AKAP1: variants seen among roughly 807,000 people sequenced by gnomAD.
AKAP1 encodes A-kinase anchoring protein 1, also known as A-kinase anchor protein 1, mitochondrial.
AKAP1 carries 32 observed loss-of-function variants against 79.8 expected under a neutral mutation model. The ratio of observed to expected loss-of-function variants is 0.40; its 90% CI spans 0.30 to 0.54. AKAP1 has a LOEUF of 0.54. Ranked by LOEUF, AKAP1 falls within the 20% of genes least tolerant of loss-of-function variation. The pLI is 0.47. For synonymous variants in AKAP1, 416 were observed against 466.7 expected, an observed-to-expected ratio of 0.89 and a Z score of 1.40; for missense variants, 961 against 1,138.9, an observed-to-expected ratio of 0.84 and a Z score of 2.25.
At chr17:57,090,210 AC>A (rs1348319690) in intron 1 of AKAP1, among the ~76,000 whole-genome samples, 2 of 151,256 alleles carry the variant, frequency 1.3e-5, no homozygotes, top group East Asian at 3.9e-4. Context: ...CTTTGTTTGA[AC>A]CCTGCTAGAT....
intron 1 of AKAP1, among the ~76,000 whole-genome samples, chr17:57,104,183 C>T (rs1371786926): frequency 1.3e-5 from 2 of 152,158 alleles, no homozygotes; most frequent in Non-Finnish European, 1.5e-5. Context: ...TAGTCTCAAA[C>T]TTCTGACCTT....
chr17:57,111,062 C>T (rs551481184), intron 3 of AKAP1, among the ~76,000 whole-genome samples: 2 of 152,114 alleles, frequency 1.3e-5, no homozygotes, highest in Admixed American at 6.5e-5. Context: ...CCCTGTTATC[C>T]GTCCTGCCTG....
At chr17:57,110,876 A>G (rs868431737) in intron 3 of AKAP1, among the ~76,000 whole-genome samples, 2 of 152,240 alleles carry the variant, frequency 1.3e-5, no homozygotes, top group Middle Eastern at 3.4e-3. Flanking sequence ...CTTACAACAT[A>G]TTAGCTTGAT....
chr17:57,112,068 C>T (rs777408966), intron 4 of AKAP1, 144 bp downstream of exon 4: 25 of 1,106,456 alleles, frequency 2.3e-5, no homozygotes, highest in Admixed American at 1.1e-4. Flanking sequence ...ATCTTCCCTG[C>T]AGCCTTTTCC....
chr17:57,113,564 T>C (rs192917122), intron 5 of AKAP1, among the ~76,000 whole-genome samples: 2 of 150,934 alleles, frequency 1.3e-5, no homozygotes, highest in Admixed American at 6.6e-5. Flanking sequence ...AAGAGTTTTT[T>C]CCCAGGAGGC....
chr17:57,087,859 T>C (rs1387979796), intron 1 of AKAP1, among the ~76,000 whole-genome samples: 1 of 152,246 alleles, frequency 6.6e-6, no homozygotes, highest in Non-Finnish European at 1.5e-5. Context: ...AGGCAGCTTG[T>C]AGCCAATGTA....
intron 3 of AKAP1, among the ~76,000 whole-genome samples, chr17:57,110,862 A>G (rs1915200508): frequency 6.6e-6 from 1 of 152,186 alleles, no homozygotes; most frequent in South Asian, 2.1e-4. Flanking sequence ...TCTTGCTATT[A>G]GAACTTACAA....
Position 57,114,542 on chromosome 17 carries a change from A to G in AKAP1, c.2187A>G (p.Thr729=), listed in dbSNP as rs773608144. 1 of 1,614,168 alleles carries G rather than the reference A, an allele frequency of 6.2e-7. No individual in the cohort carries two copies. The highest frequency in any genetic ancestry group is 1.7e-5 in the Admixed American group (1 of 60,030). Residue 729 remains threonine (T), a synonymous_variant, in exon 6 of 11, where the codon ACA becomes ACG. Transcript: ENST00000337714. ...NAGHLFVQQH[T]HPTFHALRSL... ...GGCACCTGTTCGTGCAGCAGCACAC[A>G]CACCCTACCTTCCACGCGCTGCGCA...
At chr17:57,108,005 G>A (rs868631669) in intron 2 of AKAP1, 171 of 1,287,292 alleles carry the variant, frequency 1.3e-4, no homozygotes, top group African/African-American at 6.4e-4. Context: ...TGGGTTTTTC[G>A]AGTGCTGACC....
intron 5 of AKAP1, among the ~76,000 whole-genome samples, chr17:57,113,394 TTTTTTTTG>T (rs759219425): frequency 3.4e-4 from 51 of 152,056 alleles, no homozygotes; most frequent in South Asian, 6.2e-4. Flanking sequence ...CCTTCGTGTT[TTTTTTTTG>T]TTTTTTTGTT....
chr17:57,111,162 G>A (rs760359606), intron 3 of AKAP1, among the ~76,000 whole-genome samples: 3 of 152,202 alleles, frequency 2.0e-5, no homozygotes, highest in African/African-American at 7.2e-5. Flanking sequence ...GGAGGGGGTC[G>A]TTGGCGGTTG....
rs1484979800 is a variant in AKAP1, at chr17:57,114,445, C to T, written c.2104-14C>T. On this transcript the variant is annotated splice_polypyrimidine_tract_variant and intron_variant, in intron 5 of 10. Transcript: ENST00000337714. ...AGGATTGTTTCAGTGACCGCTCCCC[C>T]TTCCCCTCTACAGCTCATGCTGCCT... The T allele has an allele frequency of 6.2e-7, 1 of 1,612,864 alleles. No homozygotes were observed. The highest frequency in any genetic ancestry group is 1.3e-5 in the African/African-American group (1 of 74,940).
At chr17:57,087,949 G>C (rs991269887) in intron 1 of AKAP1, among the ~76,000 whole-genome samples, 1 of 152,150 alleles carries the variant, frequency 6.6e-6, no homozygotes, top group African/African-American at 2.4e-5. Context: ...GGGCCTTTCT[G>C]TAGCTTGGTC....
At chr17:57,109,779 C>G (rs530152368) in intron 2 of AKAP1, among the ~76,000 whole-genome samples, 1 of 152,162 alleles carries the variant, frequency 6.6e-6, no homozygotes, top group African/African-American at 2.4e-5. Flanking sequence ...TGGCTGGGTG[C>G]GGCTGCCAAT....
At chr17:57,100,152 G>T (rs979597065) in intron 1 of AKAP1, among the ~76,000 whole-genome samples, 3 of 152,178 alleles carry the variant, frequency 2.0e-5, no homozygotes, top group African/African-American at 7.2e-5. Context: ...AGCCCCCGGT[G>T]GGGTAGCTGT....
In AKAP1 at chr17:57,115,527, G is replaced by A. The variant is rs75886956; in HGVS notation, c.2282-584G>A. On this transcript the variant is annotated intron_variant, in intron 6 of 10. Transcript: ENST00000337714. ...CTGGGAACGTTTACCTCCTGGTCTCGTCTGCCTCTGACCCACAGTGGGTTA... is the reference window on the plus strand; with the variant it reads ...CTGGGAACGTTTACCTCCTGGTCTCATCTGCCTCTGACCCACAGTGGGTTA... Among the ~76,000 whole-genome samples, 46 of 152,210 alleles carry A rather than the reference G, an allele frequency of 3.0e-4. 1 individual carries two copies. In the East Asian group the frequency reaches 7.5e-3, roughly 25 times the overall value.
chr17:57,108,735 G>T (rs1331296765), intron 2 of AKAP1, among the ~76,000 whole-genome samples: 4 of 152,216 alleles, frequency 2.6e-5, no homozygotes, highest in African/African-American at 9.7e-5. Context: ...AGGGGACCAG[G>T]GACCACCCCA....
rs1216557538 is a variant in AKAP1, at chr17:57,120,429, A to G, written c.*105A>G. On this transcript the variant is annotated 3_prime_UTR_variant, in exon 11 of 11. Coordinates refer to ENST00000337714, the MANE Select transcript of AKAP1 (RefSeq NM_003488.4). The stretch of plus-strand genomic sequence containing the variant: ...ATAACAAACATTGTCCTCTCCAGAA[A>G]GTCCTTTCTTTCTCCATACTGTAGT... The G allele has an allele frequency of 1.8e-5, 19 of 1,049,800 alleles. No individual in the cohort carries two copies. Among genetic ancestry groups the G allele is most frequent in the Non-Finnish European group, 2.5e-5 (18 of 711,024 alleles). The allele number at this position is 1,049,800 out of a possible 1,614,324, so 65.0% of individuals were successfully genotyped here.
At position 57,107,112 on chromosome 17, in the gene AKAP1, G is replaced by A. The variant is rs747273305; in HGVS notation, c.1648G>A (p.Gly550Arg). 1.2e-6 allele frequency: 2 copies of A among 1,614,022 alleles called. No individual in the cohort carries two copies. The highest frequency in any genetic ancestry group is 1.3e-5 in the African/African-American group (1 of 74,934). ...GCCCTTCAGCAATGGGGTGCTGAAGGGGGAGTTGTCAGACTTGGGGGCTGA... is the reference window on the plus strand; with the variant it reads ...GCCCTTCAGCAATGGGGTGCTGAAGAGGGAGTTGTCAGACTTGGGGGCTGA... ...TVPFSNGVLK[G>R]ELSDLGAEDG... Residue 550 changes from glycine (G) to arginine (R), a missense_variant, in exon 2 of 11, where the codon GGG becomes AGG. Coordinates refer to ENST00000337714, the MANE Select transcript of AKAP1 (RefSeq NM_003488.4).
Sources: allele counts gnomAD v4.1 joint callset (sites outside exome capture counted in the v4.1 genomes callset), GRCh38; gene constraint gnomAD v4.1.1; transcripts MANE v1.5; gene names NCBI Gene and HGNC (gene_info 2026-07-23, HGNC 2026-07-21).